MBP: variants seen among roughly 807,000 people sequenced by gnomAD.
The protein encoded by MBP is myelin basic protein.
MBP carries 16 observed loss-of-function variants against 35.8 expected under a neutral mutation model. That is an observed-to-expected ratio of 0.45 (90% CI 0.30 to 0.68). The LOEUF is 0.68. MBP is among the 30% of genes least tolerant of loss of function. The pLI is 0.08. For synonymous variants in MBP, 143 were observed against 159.6 expected, an observed-to-expected ratio of 0.90 and a Z score of 0.78; for missense variants, 380 against 404.7, an observed-to-expected ratio of 0.94 and a Z score of 0.52.
chr18:77,029,586 G>A (rs963833827), intron 3 of MBP, among the ~76,000 whole-genome samples: 2 of 152,154 alleles, frequency 1.3e-5, no homozygotes, highest in Non-Finnish European at 2.9e-5. Flanking sequence ...AAAGTGCTGG[G>A]ATGACAGGCA....
intron 2 of MBP, among the ~76,000 whole-genome samples, chr18:77,103,375 A>G (rs1229965260): frequency 6.6e-6 from 1 of 152,210 alleles, no homozygotes; most frequent in Non-Finnish European, 1.5e-5. Context: ...ACCCCGGCCC[A>G]TCTTCAGCAG....
intron 3 of MBP, among the ~76,000 whole-genome samples, chr18:77,050,834 C>T (rs1423941032): frequency 6.6e-6 from 1 of 152,178 alleles, no homozygotes; most frequent in Non-Finnish European, 1.5e-5. Flanking sequence ...GCGTGAGCCA[C>T]CACACCCCAC....
At chr18:77,114,078 G>A (rs180917256) in intron 1 of MBP, 9 of 152,324 alleles carry the variant, frequency 5.9e-5, no homozygotes, top group East Asian at 1.9e-4. Context: ...AGGAAGTAGC[G>A]TCTCTATTTC....
At chr18:77,038,744 C>T (rs1050192036) in intron 3 of MBP, among the ~76,000 whole-genome samples, 2 of 152,232 alleles carry the variant, frequency 1.3e-5, no homozygotes, top group Admixed American at 1.3e-4. Context: ...CACATGTACG[C>T]ATATCACTTT....
chr18:77,054,125 C>A (rs1175757339), intron 3 of MBP, among the ~76,000 whole-genome samples: 1 of 152,240 alleles, frequency 6.6e-6, no homozygotes, highest in African/African-American at 2.4e-5. Context: ...CCTCCGATGG[C>A]AGAGACTCTA....
intron 2 of MBP, among the ~76,000 whole-genome samples, chr18:77,076,651 A>G (rs926978797): frequency 6.6e-6 from 1 of 152,090 alleles, no homozygotes; most frequent in Non-Finnish European, 1.5e-5. Context: ...ATGTCCTTCC[A>G]CTCTTCCTGA....
At chr18:77,063,037 T>G (rs1238488084) in intron 3 of MBP, among the ~76,000 whole-genome samples, 1 of 152,154 alleles carries the variant, frequency 6.6e-6, no homozygotes, top group Non-Finnish European at 1.5e-5. Flanking sequence ...CAGGAATGGT[T>G]TCCCAACGTA....
chr18:77,123,197 T>C lies in MBP; in HGVS notation c.-26+9383A>G, dbSNP rs542786478. Among the ~76,000 whole-genome samples the C allele has an allele frequency of 4.1e-4, 62 of 152,314 alleles. 2 individuals carry two copies. The South Asian group carries it at 0.012, about 31-fold the overall frequency. On this transcript the variant is annotated intron_variant, in intron 1 of 8. Coordinates refer to ENST00000355994, the MANE Select transcript of MBP (RefSeq NM_001025101.2). ...ATAGTTCTATAATTTTTTGCTTTGA[T>C]AGCAAGTTTAGCAAACATGGTAGCT...
intron 2 of MBP, among the ~76,000 whole-genome samples, chr18:77,085,004 T>C (rs913530123): frequency 2.0e-5 from 3 of 152,054 alleles, no homozygotes; most frequent in African/African-American, 7.2e-5. Context: ...GTGGCTCTTT[T>C]ACTACAAGAG....
intron 2 of MBP, among the ~76,000 whole-genome samples, chr18:77,076,894 C>T (rs746501161): frequency 3.3e-5 from 5 of 152,148 alleles, no homozygotes; most frequent in South Asian, 2.1e-4. Flanking sequence ...CCCAACCCCA[C>T]CCTTAATAGC....
At chr18:77,095,625 A>G (rs1479939208) in intron 2 of MBP, 1 of 152,274 alleles carries the variant, frequency 6.6e-6, no homozygotes, top group Non-Finnish European at 1.5e-5. Flanking sequence ...AGGGACAAAC[A>G]GCGCATTGGA....
At chr18:77,065,249 T>A (rs1015352407) in intron 3 of MBP, among the ~76,000 whole-genome samples, 4 of 152,222 alleles carry the variant, frequency 2.6e-5, no homozygotes. Context: ...GGCACTGGCA[T>A]CTGCTCAGCT....
At chr18:77,037,924 G>A (rs914782468) in intron 3 of MBP, among the ~76,000 whole-genome samples, 7 of 152,240 alleles carry the variant, frequency 4.6e-5, no homozygotes, top group African/African-American at 1.4e-4. Context: ...AAATCACACT[G>A]CTGCCTTTGC....
chr18:76,983,551 TTTC>T (rs1393662933), intron 8 of MBP: 1 of 152,238 alleles, frequency 6.6e-6, no homozygotes, highest in Non-Finnish European at 1.5e-5. Flanking sequence ...GGAGAATTTT[TTTC>T]TTAACTCAGA....
intron 1 of MBP, among the ~76,000 whole-genome samples, chr18:77,107,566 G>A (rs577725618): frequency 6.6e-6 from 1 of 152,332 alleles, no homozygotes; most frequent in African/African-American, 2.4e-5. Flanking sequence ...GACAAAGAGA[G>A]CTATTTTTGG....
At chr18:77,106,893 T>C (rs188336999) in intron 1 of MBP, among the ~76,000 whole-genome samples, 8 of 152,326 alleles carry the variant, frequency 5.3e-5, no homozygotes, top group Admixed American at 3.9e-4. Flanking sequence ...ATTCTTCTCA[T>C]TGGGAAATGA....
At position 77,066,672 on chromosome 18, in the gene MBP, T is replaced by C. The variant is rs73968293; in HGVS notation, c.52-287A>G. 2.2e-3 allele frequency: 1,369 copies of C among 620,830 alleles called. 19 individuals are homozygous for C. Among genetic ancestry groups the C allele is most frequent in the African/African-American group, 0.022 (1,219 of 55,672 alleles). The allele number at this position is 620,830 out of a possible 1,614,324, so 38.5% of individuals were successfully genotyped here. A position where few individuals can be genotyped will look rare whatever the true frequency, so the allele number is the denominator to read the frequency against. ...GCCTAGGTAAAATAAATTAGCTACA[T>C]GCCATCCCATTTATTCCAAGGGTGA... On this transcript the variant is annotated intron_variant, in intron 2 of 8. Coordinates refer to ENST00000355994, the MANE Select transcript of MBP (RefSeq NM_001025101.2).
At chr18:77,121,785 G>A (rs975268014) in intron 1 of MBP, among the ~76,000 whole-genome samples, 5 of 152,162 alleles carry the variant, frequency 3.3e-5, no homozygotes, top group African/African-American at 1.2e-4. Flanking sequence ...AAGACCAGCT[G>A]TAGCTGGTGC....
rs753395653 is a variant in MBP, at chr18:76,988,979, C to A, written c.682-67G>T. ...GTGCCGCCGTCCATTTCCTAACGGG[C>A]TCCTGCCTGCTGAGGGTGGCTAGCA... On this transcript the variant is annotated intron_variant, in intron 5 of 8. Transcript: ENST00000355994. The surrounding 1 kb of genome is among the most constrained non-coding windows in gnomAD (Gnocchi z 5.2). 6.8e-7 allele frequency: 1 copy of A among 1,480,400 alleles called. No homozygotes were observed. The highest frequency in any genetic ancestry group is 9.5e-7 in the Non-Finnish European group (1 of 1,057,938). 91.7% of individuals were successfully genotyped at this position (1,480,400 alleles called of 1,614,324 possible). A position where few individuals can be genotyped will look rare whatever the true frequency, so the allele number is the denominator to read the frequency against.
Sources: gnomAD v4.1 joint callset for allele counts (sites outside exome capture counted in the v4.1 genomes callset) on GRCh38, gnomAD v4.1.1 for gene constraint, Gnocchi (gnomAD v3.1) non-coding constraint, MANE v1.5 for transcripts, NCBI Gene and HGNC (gene_info 2026-07-23, HGNC 2026-07-21) for gene names.